The following PDE3A variants were observed in gnomAD, a reference collection of about 807,000 sequenced individuals.
PDE3A encodes the protein cGMP-inhibited 3',5'-cyclic phosphodiesterase 3A.
Under a neutral mutation model 98.3 loss-of-function variants are expected in PDE3A, and 43 were observed. The observed-to-expected ratio is 0.44, with a 90% CI of 0.34 to 0.56. PDE3A has a LOEUF of 0.56. Among genes scored for constraint, PDE3A ranks in the 20% least tolerant of loss-of-function variants. The pLI is 0.01. For synonymous variants in PDE3A, 663 were observed against 567.9 expected, an observed-to-expected ratio of 1.17 and a Z score of -2.38; for missense variants, 1,427 against 1,440.7, an observed-to-expected ratio of 0.99 and a Z score of 0.15.
chr12:20,592,659 C>T (rs1592089928), intron 2 of PDE3A, among the ~76,000 whole-genome samples: 1 of 152,162 alleles, frequency 6.6e-6, no homozygotes, highest in Admixed American at 6.5e-5. Context: ...AATTAGTGCA[C>T]TGTGCCTCTT....
At position 20,675,719 on chromosome 12, in the gene PDE3A, T is replaced by C. The variant is rs61921491; in HGVS notation, c.3185-4311T>C. Among the ~76,000 whole-genome samples, 971 of 152,340 alleles carry C rather than the reference T, an allele frequency of 6.4e-3. 13 individuals carry two copies. The highest frequency in any genetic ancestry group is 8.8e-3 in the Non-Finnish European group (601 of 68,024). On this transcript the variant is annotated intron_variant, in intron 15 of 15. Transcript: ENST00000359062. The stretch of plus-strand genomic sequence containing the variant: ...TCGTTGTCATTATATAATGACTGTG[T>C]CTTCTTTTTACTGTTTTGACTTAAT...
At chr12:20,522,897 A>C (rs370930307) in intron 1 of PDE3A, among the ~76,000 whole-genome samples, 1 of 152,086 alleles carries the variant, frequency 6.6e-6, no homozygotes, top group Admixed American at 6.6e-5. Context: ...GTGTGAAGCT[A>C]TATTTGTGAG....
chr12:20,465,872 C>T (rs948058480), intron 1 of PDE3A, among the ~76,000 whole-genome samples: 2 of 152,110 alleles, frequency 1.3e-5, no homozygotes, highest in Non-Finnish European at 2.9e-5. Context: ...TATTCCAGAA[C>T]AGGGAAGTGT....
intron 2 of PDE3A, among the ~76,000 whole-genome samples, chr12:20,579,774 G>C (rs2121338310): frequency 6.6e-6 from 1 of 152,304 alleles, no homozygotes; most frequent in Middle Eastern, 3.4e-3. Context: ...CAATGATTCA[G>C]AGTTGCGCAT....
chr12:20,665,231 C>A (rs1298276674), intron 15 of PDE3A, among the ~76,000 whole-genome samples: 2 of 152,172 alleles, frequency 1.3e-5, no homozygotes, highest in African/African-American at 4.8e-5. Flanking sequence ...GTCAGAGGGT[C>A]ACTAGAACTG....
At chr12:20,604,315 G>T (rs146530122) in intron 2 of PDE3A, among the ~76,000 whole-genome samples, 2 of 151,980 alleles carry the variant, frequency 1.3e-5, no homozygotes, top group Non-Finnish European at 2.9e-5. Flanking sequence ...GTCTAACTTC[G>T]GTTCTTGCCT....
intron 1 of PDE3A, among the ~76,000 whole-genome samples, chr12:20,455,339 T>TA (rs1945136458): frequency 6.6e-6 from 1 of 152,210 alleles, no homozygotes; most frequent in African/African-American, 2.4e-5. Context: ...TTAGGTTCCT[T>TA]ACAGATGCTG....
At chr12:20,418,940 A>T (rs1035662130) in intron 1 of PDE3A, among the ~76,000 whole-genome samples, 4 of 152,058 alleles carry the variant, frequency 2.6e-5, no homozygotes, top group Admixed American at 2.6e-4. Flanking sequence ...TATGTAAGTA[A>T]TTCTCTCTTG....
intron 1 of PDE3A, among the ~76,000 whole-genome samples, chr12:20,488,571 G>A (rs1227471003): frequency 6.6e-6 from 1 of 151,864 alleles, no homozygotes; most frequent in Non-Finnish European, 1.5e-5. Context: ...GCTTACACCA[G>A]TATGTAATCC....
At chr12:20,632,763 T>C (rs1944409959) in intron 6 of PDE3A, among the ~76,000 whole-genome samples, 1 of 152,030 alleles carries the variant, frequency 6.6e-6, no homozygotes, top group Admixed American at 6.6e-5. Context: ...GCACCCCTCT[T>C]TTGTTCATTT....
At chr12:20,522,013 C>T (rs1317502819) in intron 1 of PDE3A, among the ~76,000 whole-genome samples, 2 of 152,144 alleles carry the variant, frequency 1.3e-5, no homozygotes, top group Non-Finnish European at 2.9e-5. Flanking sequence ...CCTCATTCCT[C>T]TGTATGGCCC....
chr12:20,408,140 C>T (rs960835181), intron 1 of PDE3A, among the ~76,000 whole-genome samples: 16 of 152,050 alleles, frequency 1.1e-4, no homozygotes, highest in African/African-American at 1.9e-4. Context: ...AGGCTGGTCT[C>T]GAACTCCTGA....
At chr12:20,564,081 G>C (rs967845221) in intron 2 of PDE3A, among the ~76,000 whole-genome samples, 1 of 152,034 alleles carries the variant, frequency 6.6e-6, no homozygotes, top group South Asian at 2.1e-4. Context: ...AAGAGGATGG[G>C]GAGACATTTC....
chr12:20,563,588 T>A (rs1942583683), intron 2 of PDE3A, among the ~76,000 whole-genome samples: 1 of 152,226 alleles, frequency 6.6e-6, no homozygotes, highest in Non-Finnish European at 1.5e-5. Flanking sequence ...CTAACAACTA[T>A]CAATATTCGT....
chr12:20,612,011 C>T lies in PDE3A; in HGVS notation c.1012-1432C>T, dbSNP rs186357133. ...TAGATATTTGTAGAAGTATTTCTTT[C>T]GACCAGATATGTATGTTGTTTTGCT... On this transcript the variant is annotated intron_variant, in intron 2 of 15. Coordinates refer to ENST00000359062, the MANE Select transcript of PDE3A (RefSeq NM_000921.5). Among the ~76,000 whole-genome samples the T allele has an allele frequency of 1.5e-4, 23 of 151,614 alleles. No individual in the cohort carries two copies. In the East Asian group the frequency reaches 2.1e-3, roughly 14 times the overall value.
rs1170207384 is a variant in PDE3A at position 20,637,115 on chromosome 12, G to A, written c.2017G>A (p.Ala673Thr). Residue 673 changes from alanine (A) to threonine (T), a missense_variant, in exon 9 of 16, where the codon GCT becomes ACT. Ala to Thr is a moderately conservative substitution (Grantham distance 58). Transcript: ENST00000359062. ...TMMFLDKPIL[A>T]PEPLVMDNLD... ...AACATTACAGGACAAACCAATTCTT[G>A]CTCCCGAACCTCTTGTCATGGATAA... 2 of 1,606,016 alleles carry A rather than the reference G, an allele frequency of 1.2e-6. No individual in the cohort carries two copies. Among genetic ancestry groups the A allele is most frequent in the South Asian group, 1.1e-5 (1 of 89,492 alleles).
rs190270498 is a variant in PDE3A, at chr12:20,481,067, C to T, written c.961-75593C>T. ...AGAATTTAATTAAAAATTATATAAA[C>T]CACTGAAATATAAGCCAAAAATAAT... On this transcript the variant is annotated intron_variant, in intron 1 of 15. Transcript: ENST00000359062. Among the ~76,000 whole-genome samples, 229 of 152,244 alleles carry T rather than the reference C, an allele frequency of 1.5e-3. 3 individuals carry two copies. The highest frequency in any genetic ancestry group is 0.014 in the Middle Eastern group (4 of 294).
At chr12:20,571,931 TG>T (rs1942810108) in intron 2 of PDE3A, 11 of 1,064,054 alleles carry the variant, frequency 1.0e-5, no homozygotes, top group Non-Finnish European at 1.0e-5. Flanking sequence ...TGAATGAGAG[TG>T]GGGCATAAAA....
chr12:20,516,009 G>A (rs1292623882), intron 1 of PDE3A, among the ~76,000 whole-genome samples: 1 of 151,250 alleles, frequency 6.6e-6, no homozygotes, highest in Non-Finnish European at 1.5e-5. Context: ...TGGGATTACA[G>A]GCGTGAGCCA....
Sources: gnomAD v4.1 joint callset for allele counts (sites outside exome capture counted in the v4.1 genomes callset) on GRCh38, gnomAD v4.1.1 for gene constraint, MANE v1.5 for transcripts, NCBI Gene and HGNC (gene_info 2026-07-23, HGNC 2026-07-21) for gene names.